SHCBP1: variants seen among roughly 807,000 people sequenced by gnomAD.
The protein encoded by SHCBP1 is SHC SH2 domain-binding protein 1.
A neutral mutation model predicts 75.1 loss-of-function variants in SHCBP1; 60 were observed. The ratio of observed to expected loss-of-function variants is 0.80; its 90% CI spans 0.65 to 0.99. The LOEUF (loss-of-function observed/expected upper bound fraction) is 0.99, where lower values mean the gene tolerates loss of function less well. Among genes scored for constraint, SHCBP1 ranks in the 50% least tolerant of loss-of-function variants. The probability of loss-of-function intolerance (pLI) is 0.00; values close to 1 mark genes in which losing one functional copy is unlikely to be tolerated. For missense variants in SHCBP1, 709 were observed against 809.4 expected (o/e 0.88, Z 1.50); for synonymous variants, 290 against 293.2 (o/e 0.99, Z 0.11).
chr16:46,604,148 A>G lies in SHCBP1; in HGVS notation c.924-5T>C. 1 of 1,613,778 alleles carries G rather than the reference A, an allele frequency of 6.2e-7. No homozygotes were observed. Among genetic ancestry groups the G allele is most frequent in the Non-Finnish European group, 8.5e-7 (1 of 1,179,938 alleles). On this transcript the variant is annotated splice_region_variant and splice_polypyrimidine_tract_variant and intron_variant, in intron 6 of 12. Transcript: ENST00000303383. ...TTCTGATAACCAAACACATACCTTA[A>G]AGAAACGAAACAGGCCTATCAGTAA...
chr16:46,587,018 A>C (rs1359310465), intron 10 of SHCBP1, among the ~76,000 whole-genome samples: 1 of 152,254 alleles, frequency 6.6e-6, no homozygotes. Context: ...AAAAAAAAAG[A>C]ACACAGTAAG....
chr16:46,594,141 G>A (rs962297027), intron 10 of SHCBP1, among the ~76,000 whole-genome samples: 2 of 151,898 alleles, frequency 1.3e-5, no homozygotes, highest in African/African-American at 2.4e-5. Context: ...AAAATATAAC[G>A]CTATAAAAAT....
chr16:46,593,688 G>C (rs552714580), intron 10 of SHCBP1, among the ~76,000 whole-genome samples: 6 of 151,646 alleles, frequency 4.0e-5, no homozygotes, highest in African/African-American at 1.5e-4. Context: ...GCCATAAGCC[G>C]TGTTCATGCC....
At chr16:46,620,364 C>G (rs191140017) in intron 1 of SHCBP1, 1 of 152,328 alleles carries the variant, frequency 6.6e-6, no homozygotes, top group Admixed American at 6.5e-5. Flanking sequence ...ACCCTTTGCC[C>G]AGCATCTCCC....
intron 10 of SHCBP1, among the ~76,000 whole-genome samples, chr16:46,588,359 C>CA (rs200150352): frequency 0.031 from 4,776 of 152,008 alleles, 87 homozygotes; most frequent in Non-Finnish European, 0.036. Context: ...AAAAACCCTT[C>CA]AAAAAATCAA....
intron 8 of SHCBP1, 87 bp from the exon 9 acceptor site, chr16:46,600,049 A>G: frequency 1.4e-6 from 2 of 1,409,826 alleles, no homozygotes; most frequent in Admixed American, 4.6e-5. Flanking sequence ...TCTAGTTTAA[A>G]TGACTGCAGA....
At chr16:46,599,762 C>A in intron 9 of SHCBP1, 69 bp downstream of exon 9, 2 of 1,222,884 alleles carry the variant, frequency 1.6e-6, no homozygotes, top group Admixed American at 3.3e-5. Context: ...TAAATTCTAT[C>A]TTCCATAGAG....
intron 10 of SHCBP1, among the ~76,000 whole-genome samples, chr16:46,591,628 G>T (rs977435892): frequency 6.6e-6 from 1 of 151,396 alleles, no homozygotes; most frequent in African/African-American, 2.4e-5. Flanking sequence ...GAATACAAAA[G>T]AACTCAACAC....
rs1172842148 is a variant in SHCBP1, at chr16:46,600,000, G to A, written c.1214-38C>T. ...GAGCAACAACACTCAAGATGGGTGA[G>A]GAAAAACATCTAAACGTGAACACTG... On this transcript the variant is annotated intron_variant, in intron 8 of 12. Transcript: ENST00000303383. 4.4e-6 allele frequency: 7 copies of A among 1,605,538 alleles called. No homozygotes were observed. The African/African-American group carries it at 5.4e-5, about 12-fold the overall frequency.
rs1964906716 is a variant in SHCBP1, at chr16:46,583,646, A to T, written c.1563T>A (p.Asp521Glu). The T allele has an allele frequency of 6.2e-7, 1 of 1,603,192 alleles. No homozygotes were observed. Among genetic ancestry groups the T allele is most frequent in the African/African-American group, 1.3e-5 (1 of 74,204 alleles). Residue 521 changes from aspartate (D) to glutamate (E), a missense_variant, in exon 12 of 13, where the codon GAT becomes GAA. Physicochemically the swap from Asp to Glu is conservative, Grantham distance 45. Transcript: ENST00000303383. ...KEGILIKDFL[D>E]EHYDIPKISM... ...ATATCTTGGGAATGTCATAATGTTC[A>T]TCTAAGAAGTCCTGTGACATTGAAA...
At chr16:46,582,738 G>C (rs1964892087) in intron 12 of SHCBP1, among the ~76,000 whole-genome samples, 1 of 152,204 alleles carries the variant, frequency 6.6e-6, no homozygotes, top group South Asian at 2.1e-4. Context: ...GATGAGTCCT[G>C]CCCAGCTGAC....
At position 46,599,815 on chromosome 16, in the gene SHCBP1, ACATT is replaced by A. The variant is rs926394496; in HGVS notation, c.1345+12_1345+15del. ...AATCTTAGAACAAATGATATACCAA[ACATT>A]CAGATACTTACTTAAGATTCCCTCT... On this transcript the variant is annotated intron_variant, in intron 9 of 12. Coordinates refer to ENST00000303383, the MANE Select transcript of SHCBP1 (RefSeq NM_024745.5). The A allele has an allele frequency of 3.8e-6, 6 of 1,584,334 alleles. No individual in the cohort carries two copies. In the Admixed American group the frequency reaches 5.8e-5, roughly 15 times the overall value.
intron 4 of SHCBP1, among the ~76,000 whole-genome samples, chr16:46,615,006 C>G (rs751905901): frequency 1.1e-4 from 17 of 152,150 alleles, no homozygotes; most frequent in Non-Finnish European, 2.2e-4. Context: ...CCCTTTCCAC[C>G]TCTCCTCCAC....
chr16:46,608,390 C>T lies in SHCBP1; in HGVS notation c.597-1G>A. ...CCTCCAAATGTTTTGGTAGAAAAAT[C>T]TGAAATGGAACTTAGTATCATTCAA... On this transcript the variant is annotated splice_acceptor_variant, in intron 4 of 12. Transcript: ENST00000303383. LOFTEE classifies it high-confidence loss of function. 1 of 1,606,120 alleles carries T rather than the reference C, an allele frequency of 6.2e-7. No individual in the cohort carries two copies. Among genetic ancestry groups the T allele is most frequent in the African/African-American group, 1.3e-5 (1 of 74,898 alleles).
chr16:46,610,835 A>G (rs998573551), intron 4 of SHCBP1, among the ~76,000 whole-genome samples: 2 of 151,688 alleles, frequency 1.3e-5, no homozygotes, highest in African/African-American at 4.8e-5. Flanking sequence ...CTACAATTAC[A>G]GGTGCACCCA....
At chr16:46,605,736 ATGT>A (rs1410706623) in intron 5 of SHCBP1, among the ~76,000 whole-genome samples, 6 of 152,138 alleles carry the variant, frequency 3.9e-5, no homozygotes, top group African/African-American at 9.7e-5. Flanking sequence ...GCCTTAAATG[ATGT>A]TGTTTTTTTT....
chr16:46,589,119 C>T (rs1184505551), intron 10 of SHCBP1, among the ~76,000 whole-genome samples: 1 of 152,062 alleles, frequency 6.6e-6, no homozygotes, highest in Non-Finnish European at 1.5e-5. Flanking sequence ...CAAAATTCAA[C>T]AGCGTCTCAT....
chr16:46,590,551 C>T, intron 10 of SHCBP1, among the ~76,000 whole-genome samples: 1 of 152,124 alleles, frequency 6.6e-6, no homozygotes, highest in East Asian at 1.9e-4. Flanking sequence ...ATGCAGCCAA[C>T]AGACACATGA....
At chr16:46,621,035 C>A in intron 1 of SHCBP1, 1 of 507,172 alleles carries the variant, frequency 2.0e-6, no homozygotes. Context: ...CCAGAGAGTG[C>A]AGGGAGAGTG....
Sources: gnomAD v4.1 joint callset for allele counts (sites outside exome capture counted in the v4.1 genomes callset) on GRCh38, gnomAD v4.1.1 for gene constraint, MANE v1.5 for transcripts, NCBI Gene and HGNC (gene_info 2026-07-23, HGNC 2026-07-21) for gene names.